PEX5L: variants seen among roughly 807,000 people sequenced by gnomAD.
PEX5L encodes peroxisomal biogenesis factor 5 like.
PEX5L carries 30 observed loss-of-function variants against 84.0 expected under a neutral mutation model. The observed-to-expected ratio is 0.36, with a 90% confidence interval of 0.27 to 0.48. PEX5L has a LOEUF of 0.48. PEX5L is among the 20% of genes least tolerant of loss of function. The pLI, the probability that PEX5L is intolerant of heterozygous loss-of-function variation, is 0.99. For missense variants in PEX5L, 533 were observed against 754.6 expected (o/e 0.71, Z 3.44); for synonymous variants, 270 against 283.1 (o/e 0.95, Z 0.46).
chr3:180,013,031 G>A (rs954345407), intron 1 of PEX5L, among the ~76,000 whole-genome samples: 1 of 152,120 alleles, frequency 6.6e-6, no homozygotes, highest in Admixed American at 6.5e-5. Flanking sequence ...CCTCAGTTGA[G>A]CTTTCTGTAG....
At chr3:179,933,997 C>T (rs533855476) in intron 2 of PEX5L, among the ~76,000 whole-genome samples, 1 of 152,164 alleles carries the variant, frequency 6.6e-6, no homozygotes, top group African/African-American at 2.4e-5. Flanking sequence ...CTCAGAAGAC[C>T]CAATGGGACA....
chr3:180,015,819 T>G (rs1789892412), intron 1 of PEX5L, among the ~76,000 whole-genome samples: 1 of 150,042 alleles, frequency 6.7e-6, no homozygotes, highest in Non-Finnish European at 1.5e-5. Context: ...TTCTTGACTT[T>G]TGTCTTGATA....
intron 2 of PEX5L, among the ~76,000 whole-genome samples, chr3:179,931,352 G>C (rs1773060925): frequency 6.6e-6 from 1 of 152,146 alleles, no homozygotes; most frequent in South Asian, 2.1e-4. Flanking sequence ...TTTTGAAGGA[G>C]GAAACTGAGG....
intron 1 of PEX5L, among the ~76,000 whole-genome samples, chr3:180,001,408 G>A (rs1233752165): frequency 3.4e-5 from 5 of 147,266 alleles, no homozygotes; most frequent in Non-Finnish European, 5.9e-5. Flanking sequence ...TTTCTCTAGA[G>A]AACTCTGACT....
At chr3:179,813,157 T>A (rs1724550842) in intron 10 of PEX5L, among the ~76,000 whole-genome samples, 1 of 152,188 alleles carries the variant, frequency 6.6e-6, no homozygotes, top group Admixed American at 6.5e-5. Context: ...GATGAAATAG[T>A]CTTTCTCTGG....
chr3:179,873,580 T>C (rs1481777657), intron 7 of PEX5L, among the ~76,000 whole-genome samples: 1 of 152,174 alleles, frequency 6.6e-6, no homozygotes, highest in African/African-American at 2.4e-5. Flanking sequence ...TCATAGGAGA[T>C]AACTAGTTAT....
At chr3:179,860,547 A>T (rs1307786813) in intron 7 of PEX5L, among the ~76,000 whole-genome samples, 1 of 152,248 alleles carries the variant, frequency 6.6e-6, no homozygotes, top group Admixed American at 6.5e-5. Context: ...TCTGAAAAGC[A>T]GTCATGGTTT....
intron 1 of PEX5L, among the ~76,000 whole-genome samples, chr3:180,008,385 G>A (rs1003103481): frequency 6.6e-6 from 1 of 152,176 alleles, no homozygotes; most frequent in Admixed American, 6.5e-5. Flanking sequence ...CATTCAACAA[G>A]TCTCTAGGAA....
chr3:179,824,118 A>T (rs1380267645), intron 8 of PEX5L, among the ~76,000 whole-genome samples: 1 of 152,216 alleles, frequency 6.6e-6, no homozygotes, highest in Non-Finnish European at 1.5e-5. Context: ...TTAGAACAGG[A>T]AAGTTTAAGG....
At chr3:179,916,259 G>A (rs147154516) in intron 2 of PEX5L, among the ~76,000 whole-genome samples, 93 of 152,170 alleles carry the variant, frequency 6.1e-4, no homozygotes, top group African/African-American at 2.0e-3. Flanking sequence ...AGATGATATA[G>A]CCTCATACAC....
intron 2 of PEX5L, among the ~76,000 whole-genome samples, chr3:179,927,408 C>A (rs1338313165): frequency 1.3e-5 from 2 of 152,052 alleles, no homozygotes; most frequent in Non-Finnish European, 2.9e-5. Flanking sequence ...GGGAAACAGG[C>A]CAGTGTGGCT....
intron 2 of PEX5L, among the ~76,000 whole-genome samples, chr3:179,942,792 A>C (rs1220861988): frequency 6.6e-6 from 1 of 152,208 alleles, no homozygotes; most frequent in African/African-American, 2.4e-5. Flanking sequence ...CTGAGCTAGA[A>C]CAACCAAAGG....
intron 2 of PEX5L, among the ~76,000 whole-genome samples, chr3:179,967,529 G>C (rs1380526151): frequency 1.3e-5 from 2 of 152,116 alleles, no homozygotes. Context: ...AGAAAACTGA[G>C]CTTAGAGAGG....
chr3:179,959,637 T>C (rs1781522196), intron 2 of PEX5L, among the ~76,000 whole-genome samples: 1 of 152,220 alleles, frequency 6.6e-6, no homozygotes, highest in African/African-American at 2.4e-5. Flanking sequence ...CCTCCTGAAG[T>C]TATTTCATAA....
intron 8 of PEX5L, among the ~76,000 whole-genome samples, chr3:179,844,916 A>G (rs1263391500): frequency 6.6e-6 from 1 of 152,258 alleles, no homozygotes; most frequent in Non-Finnish European, 1.5e-5. Flanking sequence ...CTACATTAAT[A>G]TCTTTAACAA....
chr3:179,968,127 T>C (rs1275592936), intron 2 of PEX5L, among the ~76,000 whole-genome samples: 1 of 152,158 alleles, frequency 6.6e-6, no homozygotes, highest in African/African-American at 2.4e-5. Flanking sequence ...ACTGTATCCA[T>C]CATATAATCA....
rs1718882901 is a variant in PEX5L, at chr3:179,801,647, T to C, written c.*181A>G. On this transcript the variant is annotated 3_prime_UTR_variant, in exon 15 of 15. Transcript: ENST00000467460. ...TGACTTTGACTCTATATACAACATTTTGTGCTTTTGGATCTGAACAGAGAC... is the reference window on the plus strand; with the variant it reads ...TGACTTTGACTCTATATACAACATTCTGTGCTTTTGGATCTGAACAGAGAC... 8 of 594,982 alleles carry C rather than the reference T, an allele frequency of 1.3e-5. No homozygotes were observed. In the South Asian group the frequency reaches 1.5e-4, roughly 11 times the overall value. 36.9% of individuals were successfully genotyped at this position (594,982 alleles called of 1,614,324 possible). A position where few individuals can be genotyped will look rare whatever the true frequency, so the allele number is the denominator to read the frequency against.
chr3:179,878,371 G>A (rs1753142264), intron 5 of PEX5L, among the ~76,000 whole-genome samples: 3 of 152,038 alleles, frequency 2.0e-5, no homozygotes, highest in Admixed American at 2.0e-4. Context: ...AAATCCACCA[G>A]AGAAGGATTT....
chr3:179,829,403 G>A (rs1166445765), intron 8 of PEX5L, among the ~76,000 whole-genome samples: 2 of 152,208 alleles, frequency 1.3e-5, no homozygotes, highest in Admixed American at 1.3e-4. Context: ...CAGTGATTAA[G>A]AGCAGGAATC....
Sources: gnomAD v4.1 joint callset for allele counts (sites outside exome capture counted in the v4.1 genomes callset) on GRCh38, gnomAD v4.1.1 for gene constraint, MANE v1.5 for transcripts, NCBI Gene and HGNC (gene_info 2026-07-23, HGNC 2026-07-21) for gene names.